The following LHX9 variants were observed in gnomAD, a reference collection of about 807,000 sequenced individuals.
LHX9 encodes the protein LIM/homeobox protein Lhx9.
LHX9 carries 9 observed loss-of-function variants against 36.5 expected under a neutral mutation model. The observed-to-expected ratio is 0.25, with a 90% CI of 0.15 to 0.43. The LOEUF (loss-of-function observed/expected upper bound fraction) is 0.43. Ranked by LOEUF, LHX9 falls within the 20% of genes least tolerant of loss-of-function variation. The pLI is 1.00. For missense variants in LHX9, 464 were observed against 526.4 expected (o/e 0.88, Z 1.16); for synonymous variants, 211 against 212.1 (o/e 0.99, Z 0.04).
In LHX9 at chr1:197,932,359, A is replaced by G. The variant is rs1257864040; in HGVS notation, c.*3100A>G. On this transcript the variant is annotated 3_prime_UTR_variant, in exon 5 of 5. Coordinates refer to ENST00000367387, the MANE Select transcript of LHX9 (RefSeq NM_020204.3). Reference sequence around the variant, plus strand: ...TTGCTAATGTGTATTAGTCCTGTTAATGGCATTTTCCAACTGTAAATTCAA... The same window carrying G: ...TTGCTAATGTGTATTAGTCCTGTTAGTGGCATTTTCCAACTGTAAATTCAA... The G allele has an allele frequency of 6.2e-6, 1 of 162,112 alleles. No homozygotes were observed. The highest frequency in any genetic ancestry group is 6.3e-5 in the Admixed American group (1 of 15,898). 10.0% of individuals were successfully genotyped at this position (162,112 alleles called of 1,614,324 possible).
rs1465700138 is a variant in LHX9 at position 197,929,907 on chromosome 1, G to A, written c.*648G>A. On this transcript the variant is annotated 3_prime_UTR_variant, in exon 5 of 5. Coordinates refer to ENST00000367387, the MANE Select transcript of LHX9 (RefSeq NM_020204.3). ...AGGAATGTGACTTTTCCTTCTCTTA[G>A]GGGTGTACAACTCTAAAAACTTTTT... 4.1e-6 allele frequency: 4 copies of A among 972,004 alleles called. No individual in the cohort carries two copies. The highest frequency in any genetic ancestry group is 4.9e-6 in the Non-Finnish European group (4 of 817,736). The allele number at this position is 972,004 out of a possible 1,614,324, so 60.2% of individuals were successfully genotyped here.
intron 3 of LHX9, among the ~76,000 whole-genome samples, chr1:197,925,833 G>T (rs918781503): frequency 3.5e-4 from 53 of 152,106 alleles, no homozygotes; most frequent in African/African-American, 1.3e-3. Context: ...ATTTAATTTC[G>T]CATTAATACT....
In LHX9 at chr1:197,930,179, C is replaced by A; in HGVS notation, c.*920C>A. The A allele has an allele frequency of 2.0e-6, 1 of 496,036 alleles. No individual in the cohort carries two copies. Among genetic ancestry groups the A allele is most frequent in the Non-Finnish European group, 2.6e-6 (1 of 383,442 alleles). The allele number at this position is 496,036 out of a possible 1,614,324, so 30.7% of individuals were successfully genotyped here. On this transcript the variant is annotated 3_prime_UTR_variant, in exon 5 of 5. Coordinates refer to ENST00000367387, the MANE Select transcript of LHX9 (RefSeq NM_020204.3). The stretch of plus-strand genomic sequence containing the variant: ...CTCTATTAATTGGCTTCAGCTGTAC[C>A]ATGATATTGTATCTGGCATTCTATA...
At chr1:197,914,932 C>T (rs1557969142), upstream of LHX9, among the ~76,000 whole-genome samples, 2 of 152,170 alleles carry the variant, frequency 1.3e-5, no homozygotes, top group Non-Finnish European at 2.9e-5. Flanking sequence ...GATTAACAAA[C>T]TTGTGTGGAA....
At chr1:197,916,326 T>C, upstream of LHX9, 1 of 257,256 alleles carries the variant, frequency 3.9e-6, no homozygotes. Flanking sequence ...CACCTTCCCC[T>C]CCTCCACGGC....
intron 3 of LHX9, among the ~76,000 whole-genome samples, chr1:197,923,320 A>C (rs1004521516): frequency 6.6e-6 from 1 of 152,228 alleles, no homozygotes; most frequent in Non-Finnish European, 1.5e-5. Flanking sequence ...ATGCCCTCAC[A>C]CTGGCCCCTG....
intron 3 of LHX9, 102 bp from the exon 4 acceptor site, chr1:197,927,489 A>G (rs1660178400): frequency 6.2e-6 from 6 of 973,832 alleles, no homozygotes; most frequent in Non-Finnish European, 9.8e-6. Context: ...AACCTTTTTC[A>G]CTGCTGCTTT....
rs1660335129 is a variant in LHX9, at chr1:197,931,880, G to C, written c.*2621G>C. On this transcript the variant is annotated 3_prime_UTR_variant, in exon 5 of 5. Coordinates refer to ENST00000367387, the MANE Select transcript of LHX9 (RefSeq NM_020204.3). ...ATTGCAGACCCCTAAAAGCCAAGTT[G>C]CTCTGTAGTTAATAAATTGTCACTA... The C allele has an allele frequency of 6.7e-7, 1 of 1,486,314 alleles. No individual in the cohort carries two copies. The allele number at this position is 1,486,314 out of a possible 1,614,324, so 92.1% of individuals were successfully genotyped here.
chr1:197,912,600 T>A, upstream of LHX9: 1 of 1,599,508 alleles, frequency 6.3e-7, no homozygotes, highest in Non-Finnish European at 8.6e-7. Context: ...TCTCTGCCCC[T>A]TGGGCCAGTG....
chr1:197,927,175 T>C (rs1422945561), intron 3 of LHX9, among the ~76,000 whole-genome samples: 1 of 152,020 alleles, frequency 6.6e-6, no homozygotes, highest in Non-Finnish European at 1.5e-5. Flanking sequence ...ATTCCAGAAA[T>C]ATAGACAAAA....
chr1:197,931,889 T>A lies in LHX9; in HGVS notation c.*2630T>A. The A allele has an allele frequency of 1.3e-6, 2 of 1,529,410 alleles. No individual in the cohort carries two copies. The highest frequency in any genetic ancestry group is 1.8e-6 in the Non-Finnish European group (2 of 1,128,674). The allele number at this position is 1,529,410 out of a possible 1,614,324, so 94.7% of individuals were successfully genotyped here. A position where few individuals can be genotyped will look rare whatever the true frequency, so the allele number is the denominator to read the frequency against. On this transcript the variant is annotated 3_prime_UTR_variant, in exon 5 of 5. Coordinates refer to ENST00000367387, the MANE Select transcript of LHX9 (RefSeq NM_020204.3). ...CCCTAAAAGCCAAGTTGCTCTGTAG[T>A]TAATAAATTGTCACTATGATTTTTT...
At chr1:197,917,177 C>T (rs967674139), upstream of LHX9, 1 of 967,232 alleles carries the variant, frequency 1.0e-6, no homozygotes, top group Non-Finnish European at 1.2e-6. Context: ...CCTGCCTCCC[C>T]GCTCTCTATC....
rs1315664975 is a variant in LHX9 at position 197,917,986 on chromosome 1, G to C, written c.163G>C (p.Gly55Arg). ...ARLAKGAQLN[G>R]RDAGMPPLSP... is the part of the protein sequence containing the mutation. ...TCTGGCCAAAGGCGCCCAGCTCAAC[G>C]GCCGCGACGCGGTAAGGAAGGGCTC... The change falls in exon 1 of 5, where the codon GGC (glycine) becomes CGC (arginine). Residue 55 changes from glycine (G) to arginine (R), a missense_variant. By Grantham distance (125) the Gly-to-Arg change is moderately radical (BLOSUM62 -2). This residue lies in a region of LHX9 where 119 missense variants were observed against 102.4 expected (regional missense o/e 1.16). Coordinates refer to ENST00000367387, the MANE Select transcript of LHX9 (RefSeq NM_020204.3). 5.0e-6 allele frequency: 8 copies of C among 1,612,984 alleles called. No individual in the cohort carries two copies. The highest frequency in any genetic ancestry group is 2.2e-5 in the East Asian group (1 of 44,866).
chr1:197,916,721 G>A (rs550609081), upstream of LHX9: 35 of 702,966 alleles, frequency 5.0e-5, no homozygotes, highest in Admixed American at 2.2e-4. Flanking sequence ...GATGAAGCCA[G>A]CATCTAGTAG....
At chr1:197,914,084 G>A, upstream of LHX9, among the ~76,000 whole-genome samples, 1 of 152,162 alleles carries the variant, frequency 6.6e-6, no homozygotes, top group East Asian at 1.9e-4. Context: ...CAACTATTAT[G>A]CTCCACTATA....
intron 2 of LHX9, 46 bp downstream of exon 2, chr1:197,920,220 G>C: frequency 6.3e-7 from 1 of 1,577,286 alleles, no homozygotes; most frequent in Non-Finnish European, 8.7e-7. Flanking sequence ...ACACCTGGAG[G>C]GGCCATCTGC....
At position 197,934,714 on chromosome 1, in the gene LHX9, T is replaced by C. The variant is rs1230591225; in HGVS notation, c.*5455T>C. 1.3e-5 allele frequency: 2 copies of C among 152,150 alleles called. No individual in the cohort carries two copies. The highest frequency in any genetic ancestry group is 2.9e-5 in the Non-Finnish European group (2 of 68,008). The allele number at this position is 152,150 out of a possible 1,614,324, so 9.4% of individuals were successfully genotyped here. Reference sequence around the variant, plus strand: ...AGTAATTGGGAACAAACTCTTGATATTAAAATAAATAAAATGCCTCTAATG... The same window carrying C: ...AGTAATTGGGAACAAACTCTTGATACTAAAATAAATAAAATGCCTCTAATG... On this transcript the variant is annotated 3_prime_UTR_variant, in exon 5 of 5. Transcript: ENST00000367387.
intron 1 of LHX9, among the ~76,000 whole-genome samples, chr1:197,919,356 C>T (rs904453009): frequency 1.3e-5 from 2 of 152,082 alleles, no homozygotes; most frequent in African/African-American, 4.8e-5. Flanking sequence ...TCTTTGGGAA[C>T]AGCCACTTTA....
chr1:197,922,276 G>A (rs557675488), intron 3 of LHX9, among the ~76,000 whole-genome samples: 4 of 152,228 alleles, frequency 2.6e-5, no homozygotes, highest in African/African-American at 7.2e-5. Flanking sequence ...TCTCATTCCC[G>A]GTGTGATAGA....
Sources: allele counts gnomAD v4.1 joint callset (sites outside exome capture counted in the v4.1 genomes callset), GRCh38; gene constraint gnomAD v4.1.1; regional missense constraint gnomAD v4.1.1; transcripts MANE v1.5; gene names NCBI Gene and HGNC (gene_info 2026-07-23, HGNC 2026-07-21).